PTPN4: variants seen among roughly 807,000 people sequenced by gnomAD.
The protein encoded by PTPN4 is protein tyrosine phosphatase non-receptor type 4.
Under a neutral mutation model 135.5 loss-of-function variants are expected in PTPN4, and 49 were observed. The observed-to-expected ratio is 0.36, with a 90% confidence interval of 0.29 to 0.46. The LOEUF (loss-of-function observed/expected upper bound fraction) is 0.46. Ranked by LOEUF, PTPN4 falls within the 20% of genes least tolerant of loss-of-function variation. The probability of loss-of-function intolerance (pLI) is 1.00; values close to 1 mark genes in which losing one functional copy is unlikely to be tolerated. For synonymous variants in PTPN4, 333 were observed against 369.9 expected, an observed-to-expected ratio of 0.90 and a Z score of 1.14; for missense variants, 860 against 1,101.0, an observed-to-expected ratio of 0.78 and a Z score of 3.10.
intron 1 of PTPN4, chr2:119,771,760 C>T (rs1034443603): frequency 9.2e-5 from 14 of 152,164 alleles, no homozygotes; most frequent in Admixed American, 3.3e-4. Context: ...CAATGTGAAA[C>T]TTGGCAAAAC....
intron 1 of PTPN4, among the ~76,000 whole-genome samples, chr2:119,803,640 T>TATAAATG (rs1169611089): frequency 2.1e-4 from 32 of 152,348 alleles, no homozygotes; most frequent in African/African-American, 7.7e-4. Flanking sequence ...TTCTGTTGTC[T>TATAAATG]TTGCTAGAGT....
chr2:119,937,124 C>T (rs776894187), intron 15 of PTPN4, among the ~76,000 whole-genome samples: 4 of 152,142 alleles, frequency 2.6e-5, no homozygotes, highest in Non-Finnish European at 2.9e-5. Context: ...GAAACTCGGG[C>T]TTTCTGTAGC....
chr2:119,956,541 G>A (rs1334973256), intron 20 of PTPN4, among the ~76,000 whole-genome samples: 1 of 152,152 alleles, frequency 6.6e-6, no homozygotes. Flanking sequence ...CAAACTAAAT[G>A]AAAGTTAAAT....
At chr2:119,787,087 G>A (rs550151858) in intron 1 of PTPN4, among the ~76,000 whole-genome samples, 83 of 152,294 alleles carry the variant, frequency 5.4e-4, no homozygotes, top group Non-Finnish European at 1.1e-3. Context: ...AGGTGTGTGT[G>A]GGTGCACACG....
chr2:119,809,331 G>A (rs547706585), intron 1 of PTPN4, among the ~76,000 whole-genome samples: 4 of 150,744 alleles, frequency 2.7e-5, no homozygotes, highest in Non-Finnish European at 5.9e-5. Flanking sequence ...AATACTATTA[G>A]GTTGAATTTT....
At chr2:119,954,814 A>G (rs2105054263) in intron 19 of PTPN4, among the ~76,000 whole-genome samples, 1 of 152,318 alleles carries the variant, frequency 6.6e-6, no homozygotes, top group South Asian at 2.1e-4. Context: ...TATGGTATAT[A>G]GGTCTCTATT....
chr2:119,838,945 C>G (rs774235908), intron 2 of PTPN4, among the ~76,000 whole-genome samples: 3 of 152,176 alleles, frequency 2.0e-5, no homozygotes, highest in Non-Finnish European at 4.4e-5. Context: ...ACATTTATCT[C>G]TCTTTCTTAC....
intron 7 of PTPN4, 91 bp from the exon 8 acceptor site, chr2:119,882,412 T>A (rs1678093378): frequency 8.1e-7 from 1 of 1,240,726 alleles, no homozygotes; most frequent in Non-Finnish European, 1.1e-6. Context: ...GTATTTTACA[T>A]CCAGAAATAG....
intron 22 of PTPN4, 63 bp downstream of exon 22, chr2:119,957,140 GT>G: frequency 1.4e-6 from 2 of 1,422,382 alleles, no homozygotes; most frequent in Non-Finnish European, 1.9e-6. Flanking sequence ...GAACTTTGAG[GT>G]TCTTTTTGTT....
intron 16 of PTPN4, among the ~76,000 whole-genome samples, chr2:119,945,900 C>T (rs1679125933): frequency 6.6e-6 from 1 of 152,086 alleles, no homozygotes; most frequent in Non-Finnish European, 1.5e-5. Context: ...GAAATATACA[C>T]TTTAAATAGG....
At chr2:119,774,093 A>G (rs969769359) in intron 1 of PTPN4, among the ~76,000 whole-genome samples, 2 of 152,204 alleles carry the variant, frequency 1.3e-5, no homozygotes, top group African/African-American at 4.8e-5. Context: ...TTGTCTCTCC[A>G]GTTAATTGCC....
chr2:119,858,251 T>C (rs921638060), intron 2 of PTPN4, among the ~76,000 whole-genome samples: 4 of 152,224 alleles, frequency 2.6e-5, no homozygotes, highest in Non-Finnish European at 4.4e-5. Flanking sequence ...CTAACACATT[T>C]CCTTTTGGCC....
rs986919845 is a variant in PTPN4, at chr2:119,976,251, C to G, written c.2695-733C>G. Among the ~76,000 whole-genome samples the G allele has an allele frequency of 2.6e-5, 4 of 152,200 alleles. No homozygotes were observed. The South Asian group carries it at 8.3e-4, about 32-fold the overall frequency. ...TGACCTCGTGATCCACCCACCTTGG[C>G]CTCCCAAAGTGCTGGGATTACAGGC... On this transcript the variant is annotated intron_variant, in intron 26 of 26. Transcript: ENST00000263708.
chr2:119,809,902 G>A lies in PTPN4; in HGVS notation c.49G>A (p.Ala17Thr). 6.2e-7 allele frequency: 1 copy of A among 1,613,394 alleles called. No homozygotes were observed. The highest frequency in any genetic ancestry group is 1.1e-5 in the South Asian group (1 of 91,046). The change falls in exon 2 of 27, where the codon GCA becomes ACA. Residue 17 changes from alanine (A) to threonine (T), a missense_variant. By Grantham distance (58) the Ala-to-Thr change is moderately conservative. Coordinates refer to ENST00000263708, the MANE Select transcript of PTPN4 (RefSeq NM_002830.4). ...LPAGRTYNVR[A>T]SELARDRQHT... ...TGCTGGCAGAACCTACAATGTACGA[G>A]CATCAGAGTTGGCCCGAGACAGACA...
At chr2:119,804,455 G>A (rs191304498) in intron 1 of PTPN4, among the ~76,000 whole-genome samples, 7 of 152,148 alleles carry the variant, frequency 4.6e-5, no homozygotes, top group Non-Finnish European at 7.4e-5. Context: ...ACAGGCCCCC[G>A]TGTGTGATGT....
intron 1 of PTPN4, among the ~76,000 whole-genome samples, chr2:119,765,912 A>ATTG: frequency 1.7e-5 from 1 of 59,442 alleles, no homozygotes; most frequent in South Asian, 9.7e-4. Flanking sequence ...CTGTGTGTGA[A>ATTG]TCTGTGTGTG....
intron 10 of PTPN4, among the ~76,000 whole-genome samples, chr2:119,912,282 T>C (rs921365498): frequency 6.6e-6 from 1 of 152,192 alleles, no homozygotes; most frequent in African/African-American, 2.4e-5. Context: ...GGTTGCTGTG[T>C]TGGAGTTCTA....
chr2:119,956,722 A>G, intron 20 of PTPN4, 122 bp from the exon 21 acceptor site: 2 of 1,500,454 alleles, frequency 1.3e-6, no homozygotes, highest in South Asian at 1.3e-5. Flanking sequence ...ATATCATTGT[A>G]TAGATGACCT....
At chr2:119,860,971 G>A (rs957331256) in intron 2 of PTPN4, among the ~76,000 whole-genome samples, 1 of 151,818 alleles carries the variant, frequency 6.6e-6, no homozygotes, top group African/African-American at 2.4e-5. Flanking sequence ...AACGTGGGAG[G>A]CGGAGGTTGC....
Sources: allele counts gnomAD v4.1 joint callset (sites outside exome capture counted in the v4.1 genomes callset), GRCh38; gene constraint gnomAD v4.1.1; transcripts MANE v1.5; gene names NCBI Gene and HGNC (gene_info 2026-07-23, HGNC 2026-07-21).